Variants in RNF157 observed in about 807,000 individuals in gnomAD.
The protein encoded by RNF157 is ring finger protein 157.
A neutral mutation model predicts 88.3 loss-of-function variants in RNF157; 55 were observed. The observed-to-expected ratio is 0.62, with a 90% CI of 0.50 to 0.78. RNF157 has a LOEUF of 0.78. Ranked by LOEUF, RNF157 falls within the 30% of genes least tolerant of loss-of-function variation. The pLI is 0.00. For synonymous variants in RNF157, 334 were observed against 341.2 expected, an observed-to-expected ratio of 0.98 and a Z score of 0.23; for missense variants, 788 against 860.8, an observed-to-expected ratio of 0.92 and a Z score of 1.06.
intron 2 of RNF157, among the ~76,000 whole-genome samples, chr17:76,188,417 C>T (rs1000109133): frequency 6.6e-6 from 1 of 152,194 alleles, no homozygotes; most frequent in Non-Finnish European, 1.5e-5. Context: ...TGATTTTCTG[C>T]ATTTCATTAA....
At position 76,222,640 on chromosome 17, in the gene RNF157, G is replaced by C. The variant is rs74597166; in HGVS notation, c.89-10158C>G. Among the ~76,000 whole-genome samples the C allele has an allele frequency of 3.9e-3, 591 of 152,158 alleles. 5 individuals are homozygous for C. The highest frequency in any genetic ancestry group is 0.013 in the African/African-American group (560 of 41,524). ...CTCTTACGTCCATTTTTCAGTTGAGGAAACTAAGGATTAGAAGAGTTCAGT... is the reference window on the plus strand; with the variant it reads ...CTCTTACGTCCATTTTTCAGTTGAGCAAACTAAGGATTAGAAGAGTTCAGT... On this transcript the variant is annotated intron_variant, in intron 1 of 18. Coordinates refer to ENST00000269391, the MANE Select transcript of RNF157 (RefSeq NM_052916.3).
At chr17:76,190,175 T>C (rs1267766165) in intron 2 of RNF157, among the ~76,000 whole-genome samples, 1 of 151,934 alleles carries the variant, frequency 6.6e-6, no homozygotes, top group Non-Finnish European at 1.5e-5. Flanking sequence ...TCTCTCTTTT[T>C]TTTTTTTTTT....
rs555503428 is a variant in RNF157 at position 76,186,935 on chromosome 17, G to A, written c.208-13145C>T. 1.3e-4 allele frequency among the ~76,000 whole-genome samples: 17 copies of A among 132,602 alleles called. 1 individual carries two copies. The South Asian group carries it at 1.4e-3, about 11-fold the overall frequency. The allele number at this position is 132,602 out of a possible 152,430, so 87.0% of individuals were successfully genotyped here. A position where few individuals can be genotyped will look rare whatever the true frequency, so the allele number is the denominator to read the frequency against. ...AGCCTGGGTGACAGAATGAGACTCC[G>A]ACTCAAAATAAATAAATAAATAAAT... On this transcript the variant is annotated intron_variant, in intron 2 of 18. Transcript: ENST00000269391.
intron 2 of RNF157, among the ~76,000 whole-genome samples, chr17:76,208,884 G>T (rs545117159): frequency 2.0e-5 from 3 of 151,756 alleles, no homozygotes; most frequent in African/African-American, 7.3e-5. Context: ...TGAGGCAGGA[G>T]AATCACTTGA....
intron 2 of RNF157, among the ~76,000 whole-genome samples, chr17:76,199,570 T>TAAAAAAA (rs34151599): frequency 9.0e-6 from 1 of 110,980 alleles, no homozygotes; most frequent in Non-Finnish European, 1.9e-5. Context: ...AGCTGAAAGT[T>TAAAAAAA]AAAAAAAAAA....
At position 76,152,484 on chromosome 17, in the gene RNF157, A is replaced by G. The variant is rs762664660; in HGVS notation, c.1811-19T>C. ...CTCTGGCCTGTAACGGAGTTAATGCAGTTAGAGAGGGGCTGGCTGTGTTTT... is the reference window on the plus strand; with the variant it reads ...CTCTGGCCTGTAACGGAGTTAATGCGGTTAGAGAGGGGCTGGCTGTGTTTT... On this transcript the variant is annotated intron_variant, in intron 17 of 18. Coordinates refer to ENST00000269391, the MANE Select transcript of RNF157 (RefSeq NM_052916.3). The G allele has an allele frequency of 1.3e-6, 2 of 1,486,258 alleles. No individual in the cohort carries two copies. Among genetic ancestry groups the G allele is most frequent in the African/African-American group, 1.4e-5 (1 of 72,590 alleles). 92.1% of individuals were successfully genotyped at this position (1,486,258 alleles called of 1,614,324 possible).
intron 17 of RNF157, 157 bp downstream of exon 17, chr17:76,154,126 G>C: frequency 3.0e-6 from 2 of 673,982 alleles, no homozygotes. Context: ...TGCTCTGCTT[G>C]CTTTGATGTA....
chr17:76,172,116 T>A (rs547746433), intron 3 of RNF157, among the ~76,000 whole-genome samples: 67 of 151,910 alleles, frequency 4.4e-4, no homozygotes, highest in Non-Finnish European at 8.2e-4. Context: ...GACCCTGGGG[T>A]GGAGAGAAGC....
rs1169572050 is a variant in RNF157 at position 76,160,065 on chromosome 17, C to T, written c.1066-492G>A. Among the ~76,000 whole-genome samples the T allele has an allele frequency of 6.6e-6, 1 of 152,138 alleles. No homozygotes were observed. Among genetic ancestry groups the T allele is most frequent in the Non-Finnish European group, 1.5e-5 (1 of 68,012 alleles). On this transcript the variant is annotated intron_variant, in intron 11 of 18. Coordinates refer to ENST00000269391, the MANE Select transcript of RNF157 (RefSeq NM_052916.3). The surrounding 1 kb of genome is among the most constrained non-coding windows in gnomAD (Gnocchi z 4.3). The stretch of plus-strand genomic sequence containing the variant: ...GAGCTCCTGGTCTCAATTGATCCTC[C>T]CACCATGGCCTCCCAAAGTGCTAGG...
At position 76,211,066 on chromosome 17, in the gene RNF157, A is replaced by G. The variant is rs151282409; in HGVS notation, c.207+1298T>C. On this transcript the variant is annotated intron_variant, in intron 2 of 18. Transcript: ENST00000269391. ...GTGATCTGTCCACCTCGGCCTCCCA[A>G]AGTGCTGGGATTACAGGTGTTGGCC... 4.5e-3 allele frequency among the ~76,000 whole-genome samples: 684 copies of G among 152,220 alleles called. 4 individuals are homozygous for G. The highest frequency in any genetic ancestry group is 0.016 in the African/African-American group (656 of 41,544).
intron 18 of RNF157, among the ~76,000 whole-genome samples, chr17:76,151,957 A>G (rs2068684043): frequency 6.6e-6 from 1 of 152,162 alleles, no homozygotes; most frequent in Admixed American, 6.5e-5. Context: ...CTACAGCTTC[A>G]CTTTTAAAGG....
At chr17:76,185,492 C>T (rs1364849908) in intron 2 of RNF157, among the ~76,000 whole-genome samples, 4 of 117,474 alleles carry the variant, frequency 3.4e-5, no homozygotes, top group East Asian at 2.0e-4. Context: ...TTTTTTGAGA[C>T]GGAGTCTCGC....
Position 76,216,194 on chromosome 17 carries a change from C to A in RNF157, c.89-3712G>T, listed in dbSNP as rs1327028514. Among the ~76,000 whole-genome samples, 3 of 152,198 alleles carry A rather than the reference C, an allele frequency of 2.0e-5. No homozygotes were observed. The East Asian group carries it at 5.8e-4, about 29-fold the overall frequency. ...TGATGTCTGGAATTGTCTAGGTTGA[C>A]CTCAGTGTGGGACCACTGAGTTTCC... On this transcript the variant is annotated intron_variant, in intron 1 of 18. Coordinates refer to ENST00000269391, the MANE Select transcript of RNF157 (RefSeq NM_052916.3).
chr17:76,236,590 C>G lies in RNF157; in HGVS notation c.88+3563G>C, dbSNP rs2070285867. Among the ~76,000 whole-genome samples the G allele has an allele frequency of 2.0e-5, 3 of 152,186 alleles. No individual in the cohort carries two copies. In the South Asian group the frequency reaches 6.2e-4, roughly 31 times the overall value. ...TGTAGAAATGCTATACAGAAACTCCCACCATACTTTCTATTACTTAAATGA... is the reference window on the plus strand; with the variant it reads ...TGTAGAAATGCTATACAGAAACTCCGACCATACTTTCTATTACTTAAATGA... On this transcript the variant is annotated intron_variant, in intron 1 of 18. Transcript: ENST00000269391.
In RNF157 at chr17:76,155,566, CCTT is replaced by C. The variant is rs762426180; in HGVS notation, c.1691_1693del (p.Glu564del). ...GGTTCCCGTCCCTTCCCTTACCTCT[CCTT>C]CTTCTGAGGGGGCCCTGCTGGCAGG... On this transcript the variant is annotated inframe_deletion, in exon 15 of 19. Coordinates refer to ENST00000269391, the MANE Select transcript of RNF157 (RefSeq NM_052916.3). The C allele has an allele frequency of 1.2e-6, 2 of 1,612,154 alleles. No individual in the cohort carries two copies. The highest frequency in any genetic ancestry group is 1.7e-5 in the Admixed American group (1 of 59,224).
At position 76,161,452 on chromosome 17, in the gene RNF157, T is replaced by C. The variant is rs2068842736; in HGVS notation, c.1065+83A>G. On this transcript the variant is annotated intron_variant, in intron 11 of 18. Transcript: ENST00000269391. This position sits in a 1 kb window ranked among gnomAD's most constrained non-coding sequence, Gnocchi z 4.6. The stretch of plus-strand genomic sequence containing the variant: ...GCCCTGGTCTAATTCCTTGCTGCAA[T>C]GCCACGTAGAGAAGCATGAAAAGTT... 9.5e-6 allele frequency: 10 copies of C among 1,047,576 alleles called. No individual in the cohort carries two copies. The highest frequency in any genetic ancestry group is 2.5e-4 in the Middle Eastern group (1 of 4,014). 64.9% of individuals were successfully genotyped at this position (1,047,576 alleles called of 1,614,324 possible).
At chr17:76,208,323 C>T (rs1416003429) in intron 2 of RNF157, among the ~76,000 whole-genome samples, 1 of 152,226 alleles carries the variant, frequency 6.6e-6, no homozygotes, top group East Asian at 1.9e-4. Flanking sequence ...TACACCTGGC[C>T]TAATTAGCAA....
chr17:76,193,099 G>A (rs933265038), intron 2 of RNF157, among the ~76,000 whole-genome samples: 6 of 152,302 alleles, frequency 3.9e-5, no homozygotes, highest in African/African-American at 1.2e-4. Context: ...GATTACAGGC[G>A]TGGGCCAGAG....
At chr17:76,159,687 C>G (rs1360793981) in intron 11 of RNF157, 114 bp from the exon 12 acceptor site, 2 of 751,696 alleles carry the variant, frequency 2.7e-6, no homozygotes. Flanking sequence ...TTGGGGGGGT[C>G]TGGTAAGAAC....
Sources: allele counts gnomAD v4.1 joint callset (sites outside exome capture counted in the v4.1 genomes callset), GRCh38; gene constraint gnomAD v4.1.1; non-coding constraint Gnocchi (gnomAD v3.1); transcripts MANE v1.5; gene names NCBI Gene and HGNC (gene_info 2026-07-23, HGNC 2026-07-21).